ZNF521: variants seen among roughly 807,000 people sequenced by gnomAD.
ZNF521 encodes the protein zinc finger protein 521.
Under a neutral mutation model 105.5 loss-of-function variants are expected in ZNF521, and 14 were observed. The ratio of observed to expected loss-of-function variants is 0.13; its 90% CI spans 0.09 to 0.21. The LOEUF is 0.21. Among genes scored for constraint, ZNF521 ranks in the 10% least tolerant of loss-of-function variants. The pLI is 1.00. For synonymous variants in ZNF521, 635 were observed against 606.0 expected, an observed-to-expected ratio of 1.05 and a Z score of -0.70; for missense variants, 1,233 against 1,629.7, an observed-to-expected ratio of 0.76 and a Z score of 4.19.
At chr18:25,203,016 T>G (rs1028854130) in intron 4 of ZNF521, among the ~76,000 whole-genome samples, 4 of 152,214 alleles carry the variant, frequency 2.6e-5, no homozygotes, top group Non-Finnish European at 5.9e-5. Context: ...TGTAACACTT[T>G]ACATCATGCC....
chr18:25,198,583 A>C (rs1334779617), intron 4 of ZNF521, among the ~76,000 whole-genome samples: 1 of 151,866 alleles, frequency 6.6e-6, no homozygotes, highest in Non-Finnish European at 1.5e-5. Flanking sequence ...GATTAAAAAA[A>C]ATCAGTGCAT....
rs1394042617 is a variant in ZNF521, at chr18:25,227,504, C to G, written c.414G>C (p.Gln138His). ...SRLSYLKHHE[Q>H]SHSDKLPFKC... ...TGAAAGGCAGTTTGTCACTGTGACT[C>G]TGCTCATGGTGCTTTAGGTAGCTGA... The change falls in exon 4 of 8, where the codon CAG (glutamine) becomes CAC (histidine). Residue 138 changes from glutamine to histidine, a missense_variant. Coordinates refer to ENST00000361524, the MANE Select transcript of ZNF521 (RefSeq NM_015461.3). The surrounding 1 kb of genome is among the most constrained non-coding windows in gnomAD (Gnocchi z 5.7). 2.5e-6 allele frequency: 4 copies of G among 1,614,148 alleles called. No homozygotes were observed. Among genetic ancestry groups the G allele is most frequent in the Non-Finnish European group, 3.4e-6 (4 of 1,180,020 alleles).
intron 5 of ZNF521, among the ~76,000 whole-genome samples, chr18:25,191,070 C>G (rs1907267688): frequency 6.6e-6 from 1 of 152,122 alleles, no homozygotes; most frequent in South Asian, 2.1e-4. Flanking sequence ...CTTGATCTAT[C>G]TAGGACACGT....
chr18:25,277,874 A>G (rs944340833), intron 3 of ZNF521, among the ~76,000 whole-genome samples: 1 of 152,224 alleles, frequency 6.6e-6, no homozygotes, highest in African/African-American at 2.4e-5. Flanking sequence ...CTTAACTTTC[A>G]AAATATTTTT....
chr18:25,260,745 G>A (rs1268198990), intron 3 of ZNF521, among the ~76,000 whole-genome samples: 2 of 152,040 alleles, frequency 1.3e-5, no homozygotes, highest in African/African-American at 2.4e-5. Flanking sequence ...GTGGTGCTCA[G>A]AATATTTTCT....
At chr18:25,219,039 A>G (rs1374825630) in intron 4 of ZNF521, among the ~76,000 whole-genome samples, 1 of 152,110 alleles carries the variant, frequency 6.6e-6, no homozygotes, top group Non-Finnish European at 1.5e-5. Context: ...CTCCACTTCC[A>G]CTTAATGGAC....
At chr18:25,238,565 C>T (rs1907087275) in intron 3 of ZNF521, among the ~76,000 whole-genome samples, 1 of 152,220 alleles carries the variant, frequency 6.6e-6, no homozygotes, top group Admixed American at 6.5e-5. Flanking sequence ...CACAGTCAAA[C>T]TGGCACTGTG....
intron 7 of ZNF521, among the ~76,000 whole-genome samples, chr18:25,080,224 A>G (rs897881657): frequency 6.6e-6 from 1 of 152,216 alleles, no homozygotes; most frequent in Non-Finnish European, 1.5e-5. Context: ...TCAATGAAGG[A>G]GACCTGTTAT....
chr18:25,231,341 G>T (rs1012528791), intron 3 of ZNF521: 1 of 152,234 alleles, frequency 6.6e-6, no homozygotes, highest in African/African-American at 2.4e-5. Context: ...GAGGACAGCT[G>T]GAAACTCAGT....
chr18:25,122,531 T>TA (rs2034462996), intron 5 of ZNF521, among the ~76,000 whole-genome samples: 1 of 152,220 alleles, frequency 6.6e-6, no homozygotes, highest in African/African-American at 2.4e-5. Context: ...AGCCCCAATG[T>TA]AAAATCTAGA....
chr18:25,123,249 C>T (rs546755157), intron 5 of ZNF521, among the ~76,000 whole-genome samples: 20 of 151,950 alleles, frequency 1.3e-4, no homozygotes, highest in Admixed American at 1.1e-3. Context: ...CAGACCACAT[C>T]GTCAGGGAAC....
intron 3 of ZNF521, among the ~76,000 whole-genome samples, chr18:25,277,469 A>G (rs1283214869): frequency 6.6e-6 from 1 of 152,160 alleles, no homozygotes; most frequent in Non-Finnish European, 1.5e-5. Flanking sequence ...TAAGTTAAAG[A>G]TCAGTAGCGG....
At chr18:25,083,931 A>ATTT (rs56364504) in intron 7 of ZNF521, among the ~76,000 whole-genome samples, 999 of 57,824 alleles carry the variant, frequency 0.017, 89 homozygotes, top group African/African-American at 0.024. Flanking sequence ...AACCTGGGTA[A>ATTT]TTTTTTTTTT....
chr18:25,090,560 A>C (rs2144211835), intron 6 of ZNF521, among the ~76,000 whole-genome samples: 1 of 152,336 alleles, frequency 6.6e-6, no homozygotes, highest in South Asian at 2.1e-4. Context: ...TTACTTCAAG[A>C]TACGCTAAAA....
At chr18:25,098,233 A>C (rs530984708) in intron 5 of ZNF521, among the ~76,000 whole-genome samples, 36 of 152,274 alleles carry the variant, frequency 2.4e-4, no homozygotes, top group Middle Eastern at 3.4e-3. Flanking sequence ...CCTTCAACTG[A>C]GGGGACTCAG....
intron 3 of ZNF521, among the ~76,000 whole-genome samples, chr18:25,317,145 C>T (rs1308354091): frequency 3.3e-5 from 5 of 152,076 alleles, no homozygotes; most frequent in African/African-American, 4.8e-5. Flanking sequence ...ACATGAGCCA[C>T]GACGCCCGGC....
intron 3 of ZNF521, among the ~76,000 whole-genome samples, chr18:25,312,393 T>C (rs1485883438): frequency 1.3e-5 from 2 of 152,188 alleles, no homozygotes; most frequent in South Asian, 4.1e-4. Context: ...GACCAGGTAC[T>C]AATATTCAAA....
At chr18:25,232,709 C>G (rs1163755332) in intron 3 of ZNF521, among the ~76,000 whole-genome samples, 1 of 152,184 alleles carries the variant, frequency 6.6e-6, no homozygotes, top group African/African-American at 2.4e-5. Context: ...CTATGGAATT[C>G]TGAGGCCAAG....
chr18:25,322,321 T>G (rs1316792772), intron 2 of ZNF521, 134 bp from the exon 3 acceptor site: 2 of 878,342 alleles, frequency 2.3e-6, no homozygotes, highest in Admixed American at 1.7e-5. Context: ...TTGCAGATTT[T>G]ATTACAGGAG....
Sources: allele counts gnomAD v4.1 joint callset (sites outside exome capture counted in the v4.1 genomes callset), GRCh38; gene constraint gnomAD v4.1.1; non-coding constraint Gnocchi (gnomAD v3.1); transcripts MANE v1.5; gene names NCBI Gene and HGNC (gene_info 2026-07-23, HGNC 2026-07-21).